THSD7B: variants seen among roughly 807,000 people sequenced by gnomAD.
The protein encoded by THSD7B is thrombospondin type 1 domain containing 7B, also known as thrombospondin type-1 domain-containing protein 7B.
A neutral mutation model predicts 213.6 loss-of-function variants in THSD7B; 138 were observed. The ratio of observed to expected loss-of-function variants is 0.65; its 90% CI spans 0.56 to 0.74. The LOEUF (loss-of-function observed/expected upper bound fraction) is 0.74, where lower values mean the gene tolerates loss of function less well. Among genes scored for constraint, THSD7B ranks in the 30% least tolerant of loss-of-function variants. The probability of loss-of-function intolerance (pLI) is 0.00; values close to 1 mark genes in which losing one functional copy is unlikely to be tolerated. For missense variants in THSD7B, 1,931 were observed against 1,991.5 expected (o/e 0.97, Z 0.58); for synonymous variants, 742 against 687.0 (o/e 1.08, Z -1.25).
At chr2:137,659,132 G>A (rs1558874437) in intron 24 of THSD7B, among the ~76,000 whole-genome samples, 1 of 152,088 alleles carries the variant, frequency 6.6e-6, no homozygotes, top group African/African-American at 2.4e-5. Flanking sequence ...GTGTTTATAC[G>A]TGACTCTGTG....
At chr2:137,658,180 CT>C (rs1487213735) in intron 24 of THSD7B, among the ~76,000 whole-genome samples, 7 of 152,136 alleles carry the variant, frequency 4.6e-5, no homozygotes, top group Non-Finnish European at 1.0e-4. Flanking sequence ...TATTGGTATT[CT>C]TTTTAATTTA....
At chr2:137,558,237 A>G (rs1240451355) in intron 15 of THSD7B, among the ~76,000 whole-genome samples, 1 of 152,208 alleles carries the variant, frequency 6.6e-6, no homozygotes, top group Non-Finnish European at 1.5e-5. Context: ...TCCTGATACC[A>G]AAGCCTGGCA....
chr2:136,968,789 C>A (rs1685360353), intron 2 of THSD7B, among the ~76,000 whole-genome samples: 1 of 152,036 alleles, frequency 6.6e-6, no homozygotes, highest in Admixed American at 6.6e-5. Flanking sequence ...AAAGCAATAG[C>A]CTTTAAACTT....
chr2:137,613,144 C>T (rs1054420562), intron 17 of THSD7B, among the ~76,000 whole-genome samples: 3 of 152,242 alleles, frequency 2.0e-5, no homozygotes, highest in East Asian at 3.9e-4. Context: ...TTTAACCTAG[C>T]TTCTCCTCCC....
intron 1 of THSD7B, among the ~76,000 whole-genome samples, chr2:136,842,764 T>C (rs993319895): frequency 3.3e-5 from 5 of 152,226 alleles, no homozygotes; most frequent in Admixed American, 3.3e-4. Flanking sequence ...TTGGCTTTGA[T>C]TCCTGAACCC....
chr2:136,892,479 A>G (rs1683878735), intron 2 of THSD7B, among the ~76,000 whole-genome samples: 1 of 151,480 alleles, frequency 6.6e-6, no homozygotes, highest in Non-Finnish European at 1.5e-5. Context: ...TCAAATAGGA[A>G]CATTTTTTCT....
chr2:137,175,723 C>T (rs1680345751), intron 7 of THSD7B, among the ~76,000 whole-genome samples: 1 of 152,156 alleles, frequency 6.6e-6, no homozygotes, highest in South Asian at 2.1e-4. Flanking sequence ...AGGACTTCAA[C>T]TGGTGGAAAT....
At chr2:137,224,681 T>C (rs1681455488) in intron 7 of THSD7B, among the ~76,000 whole-genome samples, 1 of 152,208 alleles carries the variant, frequency 6.6e-6, no homozygotes, top group African/African-American at 2.4e-5. Flanking sequence ...TTATCATTAT[T>C]ATTATTTTGA....
chr2:137,648,681 T>A (rs1378303689), intron 21 of THSD7B, among the ~76,000 whole-genome samples: 1 of 152,224 alleles, frequency 6.6e-6, no homozygotes, highest in Non-Finnish European at 1.5e-5. Context: ...TGTGCTGCAA[T>A]AAACATGGCA....
At chr2:136,851,188 C>G (rs755739188) in intron 1 of THSD7B, among the ~76,000 whole-genome samples, 3 of 151,950 alleles carry the variant, frequency 2.0e-5, no homozygotes, top group Admixed American at 1.3e-4. Context: ...TTTGAGGATT[C>G]GTATATTTCC....
At chr2:137,486,657 C>T (rs1171453561) in intron 15 of THSD7B, among the ~76,000 whole-genome samples, 2 of 151,754 alleles carry the variant, frequency 1.3e-5, no homozygotes, top group Non-Finnish European at 2.9e-5. Context: ...TAGACATCTA[C>T]AGAACTCTCC....
chr2:137,300,559 A>G (rs1372894907), intron 12 of THSD7B, among the ~76,000 whole-genome samples: 9 of 152,274 alleles, frequency 5.9e-5, no homozygotes, highest in Admixed American at 4.6e-4. Context: ...TTACATTTTC[A>G]AAATTTATTA....
intron 1 of THSD7B, among the ~76,000 whole-genome samples, chr2:136,767,498 G>T (rs559983908): frequency 6.7e-6 from 1 of 150,370 alleles, no homozygotes; most frequent in African/African-American, 2.4e-5. Flanking sequence ...ATTTGTGTGT[G>T]TGTGTTTTCT....
At chr2:137,011,319 T>C (rs1037715000) in intron 2 of THSD7B, among the ~76,000 whole-genome samples, 4 of 152,194 alleles carry the variant, frequency 2.6e-5, no homozygotes, top group African/African-American at 9.6e-5. Context: ...TCTTTTTCAG[T>C]TAGTATAAAG....
At chr2:137,675,818 G>A (rs923137989) in intron 27 of THSD7B, among the ~76,000 whole-genome samples, 2 of 152,106 alleles carry the variant, frequency 1.3e-5, no homozygotes, top group Admixed American at 1.3e-4. Context: ...TTAAGTGGCA[G>A]AATTAAAGGT....
intron 15 of THSD7B, among the ~76,000 whole-genome samples, chr2:137,561,228 T>C (rs781677895): frequency 6.6e-6 from 1 of 152,110 alleles, no homozygotes; most frequent in Non-Finnish European, 1.5e-5. Context: ...GAAACCAATA[T>C]ACAATCAGGT....
At chr2:137,069,114 T>A (rs965948472) in intron 3 of THSD7B, among the ~76,000 whole-genome samples, 1 of 152,082 alleles carries the variant, frequency 6.6e-6, no homozygotes, top group Non-Finnish European at 1.5e-5. Flanking sequence ...TTGCTTTTAC[T>A]TGTCTCAGTG....
chr2:137,579,079 C>A (rs145552787), intron 17 of THSD7B, among the ~76,000 whole-genome samples: 1 of 152,074 alleles, frequency 6.6e-6, no homozygotes, highest in African/African-American at 2.4e-5. Flanking sequence ...ATTTGGAGGA[C>A]AAAATAGAAA....
intron 1 of THSD7B, among the ~76,000 whole-genome samples, chr2:136,831,092 CTTTG>C (rs1682746301): frequency 7.9e-6 from 1 of 126,946 alleles, no homozygotes; most frequent in Non-Finnish European, 1.7e-5. Flanking sequence ...AGTTTGCCTT[CTTTG>C]TTTGGTGGTC....
Sources: gnomAD v4.1 joint callset for allele counts (sites outside exome capture counted in the v4.1 genomes callset) on GRCh38, gnomAD v4.1.1 for gene constraint, MANE v1.5 for transcripts, NCBI Gene and HGNC (gene_info 2026-07-23, HGNC 2026-07-21) for gene names.